The following DNAH5 variants were observed in gnomAD, a reference collection of about 807,000 sequenced individuals.
The protein encoded by DNAH5 is axonemal beta dynein heavy chain 5.
DNAH5 carries 372 observed loss-of-function variants against 518.2 expected under a neutral mutation model. That is an observed-to-expected ratio of 0.72 (90% CI 0.66 to 0.78). DNAH5 has a LOEUF of 0.78. Ranked by LOEUF, DNAH5 falls within the 30% of genes least tolerant of loss-of-function variation. The pLI, the probability that DNAH5 is intolerant of heterozygous loss-of-function variation, is 0.00. For missense variants in DNAH5, 5,523 were observed against 5,687.0 expected, an observed-to-expected ratio of 0.97 and a Z score of 0.93; for synonymous variants, 2,039 against 2,025.9, an observed-to-expected ratio of 1.01 and a Z score of -0.17.
intron 1 of DNAH5, among the ~76,000 whole-genome samples, chr5:13,978,327 CAGTACGGG>C (rs1451824815): frequency 6.6e-6 from 1 of 152,154 alleles, no homozygotes; most frequent in Non-Finnish European, 1.5e-5. Flanking sequence ...AGTAGACTTC[CAGTACGGG>C]AGATTACCGT....
rs531950548 is a variant in DNAH5 at position 13,821,699 on chromosome 5, C to T, written c.6688-1200G>A. Reference sequence around the variant, plus strand: ...AATAATTTTTATAATAATCATGTATCACTTTATGCTATGATTTGCCCTTCA... The same window carrying T: ...AATAATTTTTATAATAATCATGTATTACTTTATGCTATGATTTGCCCTTCA... On this transcript the variant is annotated intron_variant, in intron 40 of 78. Transcript: ENST00000265104. 1.8e-4 allele frequency among the ~76,000 whole-genome samples: 27 copies of T among 152,260 alleles called. No homozygotes were observed. In the East Asian group the frequency reaches 5.2e-3, roughly 29 times the overall value.
intron 70 of DNAH5, among the ~76,000 whole-genome samples, chr5:13,724,279 A>C (rs1745435049): frequency 6.6e-6 from 1 of 152,190 alleles, no homozygotes; most frequent in African/African-American, 2.4e-5. Context: ...TTGGAGATTC[A>C]AGATTTAAGG....
chr5:13,692,286 C>A lies in DNAH5; in HGVS notation c.13724-151G>T, dbSNP rs947698851. 4.6e-6 allele frequency: 4 copies of A among 872,074 alleles called. No homozygotes were observed. The African/African-American group carries it at 6.7e-5, about 15-fold the overall frequency. 54.0% of individuals were successfully genotyped at this position (872,074 alleles called of 1,614,324 possible). On this transcript the variant is annotated intron_variant, in intron 78 of 78. Transcript: ENST00000265104. ...ACATTCTTTCTGAGGTCAGGCAATT[C>A]CTAGATGTGAGGCAGATGCTCCCAC...
intron 55 of DNAH5, among the ~76,000 whole-genome samples, chr5:13,775,133 G>GTTTTT (rs34258148): frequency 9.0e-6 from 1 of 110,864 alleles, no homozygotes; most frequent in Non-Finnish European, 1.9e-5. Flanking sequence ...ACTCCTTTTT[G>GTTTTT]TTTTTTTTTT....
chr5:13,745,742 G>T (rs575819883), intron 65 of DNAH5, among the ~76,000 whole-genome samples: 1 of 152,142 alleles, frequency 6.6e-6, no homozygotes, highest in African/African-American at 2.4e-5. Flanking sequence ...ACATTCCTTA[G>T]ATGGTTTCCA....
intron 11 of DNAH5, among the ~76,000 whole-genome samples, chr5:13,911,943 A>G (rs1213881888): frequency 1.3e-5 from 2 of 152,230 alleles, no homozygotes; most frequent in African/African-American, 4.8e-5. Flanking sequence ...TTATATCTAC[A>G]GATGAGTTAC....
rs1769044611 is a variant in DNAH5, at chr5:13,865,128, G to T, written c.4356-491C>A. Among the ~76,000 whole-genome samples, 6 of 150,844 alleles carry T rather than the reference G, an allele frequency of 4.0e-5. No individual in the cohort carries two copies. In the Admixed American group the frequency reaches 4.0e-4, roughly 10 times the overall value. On this transcript the variant is annotated intron_variant, in intron 27 of 78. Coordinates refer to ENST00000265104, the MANE Select transcript of DNAH5 (RefSeq NM_001369.3). ...TCCTGCCTCAGCCTCCCGAGTAGCTGGGATTACAGGTACGTGCCGCCATGC... is the reference window on the plus strand; with the variant it reads ...TCCTGCCTCAGCCTCCCGAGTAGCTTGGATTACAGGTACGTGCCGCCATGC...
intron 75 of DNAH5, among the ~76,000 whole-genome samples, chr5:13,713,434 C>CATATATAT (rs200836910): frequency 0.016 from 1,163 of 70,554 alleles, 14 homozygotes; most frequent in Non-Finnish European, 0.02. Flanking sequence ...TATACATCGA[C>CATATATAT]ATATATATAT....
At chr5:13,842,473 A>AAGAG (rs1554073452) in intron 32 of DNAH5, among the ~76,000 whole-genome samples, 1 of 117,332 alleles carries the variant, frequency 8.5e-6, no homozygotes, top group Non-Finnish European at 1.8e-5. Context: ...GAAAGAAAGA[A>AAGAG]AGAAAGAAAG....
Position 13,766,004 on chromosome 5 carries a change from G to A in DNAH5, c.10073C>T (p.Thr3358Ile). 6.2e-7 allele frequency: 1 copy of A among 1,614,182 alleles called. No homozygotes were observed. Among genetic ancestry groups the A allele is most frequent in the Non-Finnish European group, 8.5e-7 (1 of 1,180,014 alleles). The change falls in exon 59 of 79, where the codon ACT (threonine) becomes ATT (isoleucine). Residue 3358 changes from threonine (T) to isoleucine (I), a missense_variant. By Grantham distance (89) the Thr-to-Ile change is moderately conservative. This residue lies in a region of DNAH5 where 5,121 missense variants were observed against 5,223.3 expected (regional missense o/e 0.98). Coordinates refer to ENST00000265104, the MANE Select transcript of DNAH5 (RefSeq NM_001369.3). ...TAAGTTCTGTAAAAAGTTCCCTGCA[G>A]TCATCAATTTTAAGGATTCCTGCCA... ...PSWQESLKLMTAGNFLQNLQQ... is the reference protein window; with the variant it reads ...PSWQESLKLMIAGNFLQNLQQ...
At chr5:13,859,249 A>G (rs1485321811) in intron 30 of DNAH5, among the ~76,000 whole-genome samples, 1 of 152,132 alleles carries the variant, frequency 6.6e-6, no homozygotes, top group African/African-American at 2.4e-5. Context: ...ACAGTTTTAC[A>G]GCATTCTTAC....
intron 28 of DNAH5, 61 bp downstream of exon 28, chr5:13,864,336 T>C: frequency 6.2e-7 from 1 of 1,602,696 alleles, no homozygotes; most frequent in Admixed American, 1.7e-5. Flanking sequence ...TTCCATAATA[T>C]AGAAATGTTA....
intron 70 of DNAH5, among the ~76,000 whole-genome samples, chr5:13,725,249 G>C (rs764353357): frequency 6.6e-6 from 1 of 152,224 alleles, no homozygotes; most frequent in Non-Finnish European, 1.5e-5. Context: ...GTCAGAGAAG[G>C]CTCCCTTGTG....
intron 30 of DNAH5, among the ~76,000 whole-genome samples, chr5:13,857,774 T>C (rs1767835478): frequency 1.3e-5 from 2 of 152,200 alleles, no homozygotes; most frequent in Admixed American, 1.3e-4. Flanking sequence ...GGATTCCCTA[T>C]TTATTAAATG....
intron 21 of DNAH5, among the ~76,000 whole-genome samples, chr5:13,882,450 A>G (rs1375432373): frequency 6.6e-6 from 1 of 152,188 alleles, no homozygotes; most frequent in East Asian, 1.9e-4. Context: ...ACAGTGCATT[A>G]AAAGATCATT....
intron 1 of DNAH5, among the ~76,000 whole-genome samples, chr5:13,997,512 G>A (rs1286584358): frequency 6.6e-6 from 1 of 152,086 alleles, no homozygotes; most frequent in African/African-American, 2.4e-5. Flanking sequence ...CTACCCCTGA[G>A]CTATACCCCC....
intron 47 of DNAH5, among the ~76,000 whole-genome samples, chr5:13,800,181 T>C (rs938163318): frequency 2.0e-5 from 3 of 152,192 alleles, no homozygotes; most frequent in African/African-American, 7.2e-5. Flanking sequence ...ATTTTGAGCT[T>C]GCCAATGCTC....
chr5:13,831,358 G>C (rs1763656406), intron 35 of DNAH5, among the ~76,000 whole-genome samples: 1 of 152,200 alleles, frequency 6.6e-6, no homozygotes, highest in South Asian at 2.1e-4. Context: ...GATTTGGTGA[G>C]AGAATACAAG....
chr5:13,847,254 C>T (rs1335706079), intron 31 of DNAH5, among the ~76,000 whole-genome samples: 1 of 151,810 alleles, frequency 6.6e-6, no homozygotes, highest in African/African-American at 2.4e-5. Flanking sequence ...ACAAGGCTTA[C>T]ATATATTGCT....
Sources: allele counts gnomAD v4.1 joint callset (sites outside exome capture counted in the v4.1 genomes callset), GRCh38; gene constraint gnomAD v4.1.1; regional missense constraint gnomAD v4.1.1; transcripts MANE v1.5; gene names NCBI Gene and HGNC (gene_info 2026-07-23, HGNC 2026-07-21).